Variants in ALK observed in about 807,000 individuals in gnomAD.
ALK encodes ALK receptor tyrosine kinase.
ALK carries 74 observed loss-of-function variants against 163.1 expected under a neutral mutation model. That is an observed-to-expected ratio of 0.45 (90% CI 0.38 to 0.55). ALK has a LOEUF of 0.55. Ranked by LOEUF, ALK falls within the 20% of genes least tolerant of loss-of-function variation. ALK has a pLI of 0.00. For missense variants in ALK, 2,063 were observed against 2,105.3 expected, an observed-to-expected ratio of 0.98 and a Z score of 0.39; for synonymous variants, 960 against 843.2, an observed-to-expected ratio of 1.14 and a Z score of -2.40.
intron 1 of ALK, among the ~76,000 whole-genome samples, chr2:29,754,322 C>T (rs1680454620): frequency 6.6e-6 from 1 of 152,084 alleles, no homozygotes; most frequent in South Asian, 2.1e-4. Context: ...TGCATCTCCC[C>T]ACAAAAGGAG....
chr2:29,689,472 C>A (rs1198179952), intron 3 of ALK, among the ~76,000 whole-genome samples: 1 of 152,166 alleles, frequency 6.6e-6, no homozygotes, highest in Non-Finnish European at 1.5e-5. Flanking sequence ...ACATGGCAAA[C>A]TTTTGGGGTA....
At chr2:29,850,904 GC>G (rs1488358147) in intron 1 of ALK, among the ~76,000 whole-genome samples, 1 of 152,138 alleles carries the variant, frequency 6.6e-6, no homozygotes, top group South Asian at 2.1e-4. Context: ...AACCAGCCCT[GC>G]CCCCGGGGGA....
At chr2:29,860,743 A>G (rs1666256500) in intron 1 of ALK, among the ~76,000 whole-genome samples, 1 of 152,252 alleles carries the variant, frequency 6.6e-6, no homozygotes, top group African/African-American at 2.4e-5. Flanking sequence ...CAGAAAACTC[A>G]TAAATATGCA....
chr2:29,812,852 G>T (rs545612175), intron 1 of ALK, among the ~76,000 whole-genome samples: 7 of 152,286 alleles, frequency 4.6e-5, no homozygotes, highest in Admixed American at 1.3e-4. Context: ...GGACACTAGG[G>T]CTGTACATCC....
intron 1 of ALK, among the ~76,000 whole-genome samples, chr2:29,852,264 C>T (rs1428955669): frequency 1.3e-5 from 2 of 152,126 alleles, no homozygotes; most frequent in Non-Finnish European, 2.9e-5. Context: ...GCAGCCTTCC[C>T]CCAGGTGACA....
chr2:29,893,869 A>G (rs1324902208), intron 1 of ALK, among the ~76,000 whole-genome samples: 3 of 152,146 alleles, frequency 2.0e-5, no homozygotes, highest in Admixed American at 1.3e-4. Flanking sequence ...TTACAAGCAG[A>G]ATGACCTTGA....
chr2:29,658,887 G>A (rs1247118219), intron 3 of ALK, among the ~76,000 whole-genome samples: 1 of 152,158 alleles, frequency 6.6e-6, no homozygotes, highest in Non-Finnish European at 1.5e-5. Flanking sequence ...CTTTGAGCCA[G>A]TTTAAGCTAC....
chr2:29,275,564 AG>A, intron 9 of ALK, 68 bp from the exon 10 acceptor site: 3 of 1,527,282 alleles, frequency 2.0e-6, no homozygotes, highest in Non-Finnish European at 2.7e-6. Context: ...TTCAGCATCC[AG>A]CAGGTGTGTG....
intron 5 of ALK, among the ~76,000 whole-genome samples, chr2:29,382,299 C>T (rs1461484103): frequency 1.3e-5 from 2 of 152,126 alleles, no homozygotes; most frequent in South Asian, 2.1e-4. Context: ...CAGACAGGAA[C>T]GGGTCTCTGG....
intron 1 of ALK, among the ~76,000 whole-genome samples, chr2:29,904,172 A>G (rs1667480745): frequency 6.6e-6 from 1 of 152,210 alleles, no homozygotes; most frequent in African/African-American, 2.4e-5. Context: ...TGTGAAATTA[A>G]AAGATCTTAC....
In ALK at chr2:29,193,105, A is replaced by AAT; in HGVS notation, c.*117_*118dup. 1 of 1,166,334 alleles carries AAT rather than the reference A, an allele frequency of 8.6e-7. No individual in the cohort carries two copies. Among genetic ancestry groups the AAT allele is most frequent in the Non-Finnish European group, 1.3e-6 (1 of 798,794 alleles). The allele number at this position is 1,166,334 out of a possible 1,614,324, so 72.2% of individuals were successfully genotyped here. A position where few individuals can be genotyped will look rare whatever the true frequency, so the allele number is the denominator to read the frequency against. On this transcript the variant is annotated 3_prime_UTR_variant, in exon 29 of 29. Transcript: ENST00000389048. ...TACAGCTTTTTTGGTGGTACTTCAA[A>AAT]ATAGGTTGGCACAAAACAAAACGTG... is the stretch of plus-strand genomic sequence containing the variant.
rs969835445 is a variant in ALK, at chr2:29,295,315, G to A, written c.1817+1573C>T. 2.0e-5 allele frequency among the ~76,000 whole-genome samples: 3 copies of A among 152,070 alleles called. No individual in the cohort carries two copies. The East Asian group carries it at 5.8e-4, about 29-fold the overall frequency. On this transcript the variant is annotated intron_variant, in intron 9 of 28. Transcript: ENST00000389048. ...CCTGGAGTAGCTATGAAAGAGAGAA[G>A]ACTTGCTGGATTGAGGAGAAAAAAA... is the stretch of plus-strand genomic sequence containing the variant.
intron 4 of ALK, among the ~76,000 whole-genome samples, chr2:29,427,488 T>C (rs775476444): frequency 1.5e-4 from 23 of 152,116 alleles, no homozygotes; most frequent in Admixed American, 9.8e-4. Flanking sequence ...CTAAAATCAA[T>C]TCTAATAAGT....
chr2:29,455,902 G>A (rs957932355), intron 4 of ALK, among the ~76,000 whole-genome samples: 2 of 152,114 alleles, frequency 1.3e-5, no homozygotes, highest in Non-Finnish European at 2.9e-5. Context: ...TGGTTTTCCC[G>A]AGGTCCCTGC....
intron 3 of ALK, among the ~76,000 whole-genome samples, chr2:29,565,203 A>G (rs913797156): frequency 3.3e-5 from 5 of 152,222 alleles, no homozygotes; most frequent in Non-Finnish European, 7.3e-5. Flanking sequence ...CCTTCCATAA[A>G]TGCTAGGAAA....
chr2:29,424,157 G>A (rs1482573001), intron 4 of ALK, among the ~76,000 whole-genome samples: 1 of 152,170 alleles, frequency 6.6e-6, no homozygotes, highest in African/African-American at 2.4e-5. Flanking sequence ...CTCAGTTTTG[G>A]AATGAAGTTA....
intron 1 of ALK, among the ~76,000 whole-genome samples, chr2:29,829,760 C>T (rs1370569516): frequency 6.6e-6 from 1 of 152,196 alleles, no homozygotes; most frequent in African/African-American, 2.4e-5. Flanking sequence ...AAGACTGTCT[C>T]TGATTCTCTG....
chr2:29,719,292 A>G (rs913543885), intron 1 of ALK, among the ~76,000 whole-genome samples: 5 of 152,248 alleles, frequency 3.3e-5, no homozygotes, highest in Non-Finnish European at 5.9e-5. Flanking sequence ...TACAGAGATT[A>G]GAACTGAATT....
rs575255485 is a variant in ALK, at chr2:29,809,572, G to A, written c.668-91875C>T. Among the ~76,000 whole-genome samples the A allele has an allele frequency of 2.6e-5, 4 of 152,206 alleles. No homozygotes were observed. In the South Asian group the frequency reaches 6.2e-4, roughly 24 times the overall value. ...AGTTTGGTTTAAGGATAGGAGGGGG[G>A]CTGCCTGGCACCTTGCTTCCTAACA... On this transcript the variant is annotated intron_variant, in intron 1 of 28. Coordinates refer to ENST00000389048, the MANE Select transcript of ALK (RefSeq NM_004304.5).
Sources: gnomAD v4.1 joint callset for allele counts (sites outside exome capture counted in the v4.1 genomes callset) on GRCh38, gnomAD v4.1.1 for gene constraint, MANE v1.5 for transcripts, NCBI Gene and HGNC (gene_info 2026-07-23, HGNC 2026-07-21) for gene names.